The following IRGM variants were observed in gnomAD, a reference collection of about 807,000 sequenced individuals.
IRGM encodes the protein immunity related GTPase M, also known as immunity-related GTPase family M protein.
For synonymous variants in IRGM, 98 were observed against 80.6 expected, an observed-to-expected ratio of 1.22 and a Z score of -1.16; for missense variants, 288 against 219.9, an observed-to-expected ratio of 1.31 and a Z score of -1.96.
intron 3 of IRGM, among the ~76,000 whole-genome samples, chr5:150,883,936 A>G (rs1754480293): frequency 6.6e-6 from 1 of 152,106 alleles, no homozygotes; most frequent in African/African-American, 2.4e-5. Context: ...ACACTACAAG[A>G]AAAGAAAACT....
chr5:150,884,540 G>A (rs188699071), intron 3 of IRGM, among the ~76,000 whole-genome samples: 152 of 152,206 alleles, frequency 1.0e-3, no homozygotes, highest in Non-Finnish European at 1.7e-3. Context: ...TTCACCAACC[G>A]TGTATAAATG....
chr5:150,874,863 T>C (rs189212658), intron 1 of IRGM, among the ~76,000 whole-genome samples: 14 of 152,346 alleles, frequency 9.2e-5, no homozygotes, highest in African/African-American at 3.1e-4. Context: ...AGACAGCTCT[T>C]GGCCTGTCAC....
chr5:150,852,700 T>G (rs189105951), downstream of IRGM, among the ~76,000 whole-genome samples: 144 of 152,140 alleles, frequency 9.5e-4, 1 homozygote, highest in African/African-American at 3.3e-3. Flanking sequence ...AAAAGGCCAA[T>G]TCTCCATTGA....
At chr5:150,861,052 G>T (rs1223215900) in intron 1 of IRGM, among the ~76,000 whole-genome samples, 1 of 152,180 alleles carries the variant, frequency 6.6e-6, no homozygotes, top group Non-Finnish European at 1.5e-5. Context: ...CTGTTCATGA[G>T]TCTGTGATTT....
chr5:150,857,197 T>G (rs1388283632), intron 1 of IRGM, among the ~76,000 whole-genome samples: 3 of 152,076 alleles, frequency 2.0e-5, no homozygotes, highest in Non-Finnish European at 4.4e-5. Context: ...TTTTTTGTCC[T>G]TGCGATAGTT....
chr5:150,871,483 A>T (rs1463273720), intron 1 of IRGM, among the ~76,000 whole-genome samples: 1 of 152,136 alleles, frequency 6.6e-6, no homozygotes, highest in Admixed American at 6.5e-5. Context: ...TTGTTCATTT[A>T]CTTCTGCTGT....
rs754339131 is a variant in IRGM, at chr5:150,896,406, A to G, written c.*141-4183A>G. ...TACAATGAGTTGTGACTTCTTAGCA[A>G]AGGCTTTTCCACATGTAACACATAC... is the stretch of plus-strand genomic sequence containing the variant. On this transcript the variant is annotated intron_variant and NMD_transcript_variant, in intron 3 of 3. Coordinates refer to the IRGM transcript ENST00000520549. 14 of 1,613,590 alleles carry G rather than the reference A, an allele frequency of 8.7e-6. No homozygotes were observed. In the South Asian group the frequency reaches 9.9e-5, roughly 11 times the overall value.
intron 3 of IRGM, chr5:150,894,822 A>G (rs1018286542): frequency 6.6e-6 from 1 of 152,302 alleles, no homozygotes; most frequent in Non-Finnish European, 1.5e-5. Flanking sequence ...TGGGAAGAGT[A>G]AAAGGGAGAC....
In IRGM at chr5:150,866,760, G is replaced by A. The variant is rs570390636; in HGVS notation, c.159-11220G>A. Among the ~76,000 whole-genome samples, 19 of 152,226 alleles carry A rather than the reference G, an allele frequency of 1.2e-4. No homozygotes were observed. In the South Asian group the frequency reaches 1.7e-3, roughly 13 times the overall value. ...ATAACCTTTAGCACATTCATTTACC[G>A]TTTTCCAAGAGATGAGTATCTTAGG... On this transcript the variant is annotated intron_variant and NMD_transcript_variant, in intron 1 of 3. Transcript: ENST00000520549.
At chr5:150,872,927 G>A (rs1194553985) in intron 1 of IRGM, among the ~76,000 whole-genome samples, 1 of 152,200 alleles carries the variant, frequency 6.6e-6, no homozygotes, top group African/African-American at 2.4e-5. Flanking sequence ...AGATTCGTGA[G>A]GGCAGCATCT....
intron 1 of IRGM, among the ~76,000 whole-genome samples, chr5:150,862,772 G>C (rs1376649044): frequency 6.6e-6 from 1 of 152,146 alleles, no homozygotes; most frequent in South Asian, 2.1e-4. Context: ...TAAACTAAGA[G>C]ATACAAGAAG....
At chr5:150,881,354 C>T (rs1754442334) in intron 3 of IRGM, among the ~76,000 whole-genome samples, 1 of 151,870 alleles carries the variant, frequency 6.6e-6, no homozygotes, top group African/African-American at 2.4e-5. Context: ...TGAAAATTTG[C>T]CAAACAAGAA....
chr5:150,887,035 G>A (rs1371512481), intron 3 of IRGM, among the ~76,000 whole-genome samples: 5 of 151,886 alleles, frequency 3.3e-5, no homozygotes, highest in Non-Finnish European at 7.4e-5. Context: ...TTTGATGTGG[G>A]CATTTAGTGC....
At chr5:150,849,764 G>A (rs1460755652), downstream of IRGM, among the ~76,000 whole-genome samples, 3 of 151,754 alleles carry the variant, frequency 2.0e-5, no homozygotes, top group South Asian at 2.1e-4. Context: ...ACACCACCAC[G>A]CCCAGCTAAT....
In IRGM at chr5:150,874,477, A is replaced by G. The variant is rs545053950; in HGVS notation, c.159-3503A>G. 1.6e-4 allele frequency among the ~76,000 whole-genome samples: 24 copies of G among 152,318 alleles called. No individual in the cohort carries two copies. The South Asian group carries it at 3.9e-3, about 25-fold the overall frequency. ...AGATATTCCTTCTAAGGTGAAGGAT[A>G]AGTTCTGCATTTGGCCCCTTCTACA... On this transcript the variant is annotated intron_variant and NMD_transcript_variant, in intron 1 of 3. Transcript: ENST00000520549.
chr5:150,847,953 A>G lies in IRGM; in HGVS notation c.-171A>G, dbSNP rs1196293935. The G allele has an allele frequency of 6.8e-6, 4 of 589,186 alleles. No individual in the cohort carries two copies. Among genetic ancestry groups the G allele is most frequent in the African/African-American group, 3.7e-5 (2 of 53,660 alleles). 36.5% of individuals were successfully genotyped at this position (589,186 alleles called of 1,614,324 possible). ...GTATTAGCTGGGACTACAGGCGCAC[A>G]CCACCACGCGCAGCTAATTTTTTTG... On this transcript the variant is annotated 5_prime_UTR_variant, in exon 2 of 2. Coordinates refer to ENST00000522154, the MANE Select transcript of IRGM (RefSeq NM_001145805.2).
rs567844441 is a variant in IRGM at position 150,874,089 on chromosome 5, T to G, written c.159-3891T>G. On this transcript the variant is annotated intron_variant and NMD_transcript_variant, in intron 1 of 3. Transcript: ENST00000520549. Reference sequence around the variant, plus strand: ...TTAACACATCTCTTGGTACCTGGTATGCAGCCATTGATTTGGCAAATGCCT... The same window carrying G: ...TTAACACATCTCTTGGTACCTGGTAGGCAGCCATTGATTTGGCAAATGCCT... 5.9e-5 allele frequency among the ~76,000 whole-genome samples: 9 copies of G among 152,378 alleles called. No homozygotes were observed. In the South Asian group the frequency reaches 1.9e-3, roughly 32 times the overall value.
intron 1 of IRGM, among the ~76,000 whole-genome samples, chr5:150,860,747 C>A (rs1039680831): frequency 6.6e-6 from 1 of 152,162 alleles, no homozygotes; most frequent in Non-Finnish European, 1.5e-5. Flanking sequence ...CAACTTAGTG[C>A]CTCTGCATCA....
intron 3 of IRGM, among the ~76,000 whole-genome samples, chr5:150,898,985 G>T (rs1034209761): frequency 2.0e-5 from 3 of 152,022 alleles, no homozygotes; most frequent in Non-Finnish European, 2.9e-5. Context: ...GCCATATGAG[G>T]TATTTAGGGT....
Sources: gnomAD v4.1 joint callset for allele counts (sites outside exome capture counted in the v4.1 genomes callset) on GRCh38, gnomAD v4.1.1 for gene constraint, MANE v1.5 for transcripts, NCBI Gene and HGNC (gene_info 2026-07-23, HGNC 2026-07-21) for gene names.